Variants in EXOC5 observed in about 807,000 individuals in gnomAD.
EXOC5 encodes the protein SEC10-like 1.
Under a neutral mutation model 90.8 loss-of-function variants are expected in EXOC5, and 17 were observed. That is an observed-to-expected ratio of 0.19 (90% CI 0.13 to 0.28). The LOEUF (loss-of-function observed/expected upper bound fraction) is 0.28, where lower values mean the gene tolerates loss of function less well. Among genes scored for constraint, EXOC5 ranks in the 10% least tolerant of loss-of-function variants. EXOC5 has a pLI of 1.00. For missense variants in EXOC5, 569 were observed against 830.6 expected (o/e 0.69, Z 3.87); for synonymous variants, 260 against 270.0 (o/e 0.96, Z 0.36).
intron 1 of EXOC5, among the ~76,000 whole-genome samples, chr14:57,251,393 C>A (rs562138245): frequency 1.3e-5 from 2 of 152,274 alleles, no homozygotes; most frequent in South Asian, 2.1e-4. Context: ...CCCATTTTTG[C>A]AAGCTCCTCT....
At chr14:57,248,592 T>A (rs1884094274) in intron 1 of EXOC5, among the ~76,000 whole-genome samples, 1 of 152,036 alleles carries the variant, frequency 6.6e-6, no homozygotes, top group African/African-American at 2.4e-5. Flanking sequence ...ATGTTCACCA[T>A]CAACAGATAA....
intron 1 of EXOC5, among the ~76,000 whole-genome samples, chr14:57,250,176 G>A (rs1177837350): frequency 1.3e-5 from 2 of 152,140 alleles, no homozygotes; most frequent in African/African-American, 4.8e-5. Flanking sequence ...ATCTGCGGGA[G>A]GTAGACTCTA....
chr14:57,217,886 A>T, intron 15 of EXOC5, 96 bp downstream of exon 15: 1 of 693,166 alleles, frequency 1.4e-6, no homozygotes, highest in Non-Finnish European at 2.6e-6. Flanking sequence ...TGGAATTAAG[A>T]TAAATATTTT....
chr14:57,217,532 T>C (rs79191875), intron 15 of EXOC5, among the ~76,000 whole-genome samples: 32,073 of 152,048 alleles, frequency 0.21, 4,616 homozygotes, highest in African/African-American at 0.42. Context: ...CATACCCATA[T>C]AAGACAGTGA....
In EXOC5 at chr14:57,203,053, A is replaced by G. The variant is rs960161588; in HGVS notation, c.*5556T>C. Reference sequence around the variant, plus strand: ...ACAATATGCTTAGAGGTAGCTTCACAGTTTTCTTTACATCCAGCATTGTCC... The same window carrying G: ...ACAATATGCTTAGAGGTAGCTTCACGGTTTTCTTTACATCCAGCATTGTCC... On this transcript the variant is annotated 3_prime_UTR_variant, in exon 18 of 18. Transcript: ENST00000621441. 42 of 152,300 alleles carry G rather than the reference A, an allele frequency of 2.8e-4. 1 individual carries two copies. The highest frequency in any genetic ancestry group is 9.6e-4 in the African/African-American group (40 of 41,560). 9.4% of individuals were successfully genotyped at this position (152,300 alleles called of 1,614,324 possible). A position where few individuals can be genotyped will look rare whatever the true frequency, so the allele number is the denominator to read the frequency against.
chr14:57,241,147 C>G (rs1379806699), intron 4 of EXOC5, among the ~76,000 whole-genome samples: 3 of 152,188 alleles, frequency 2.0e-5, no homozygotes, highest in Non-Finnish European at 1.5e-5. Flanking sequence ...AGACACCACG[C>G]CCTGCCCAAT....
At chr14:57,209,804 CA>C in intron 16 of EXOC5, 22 bp from the exon 17 acceptor site, 1 of 1,511,184 alleles carries the variant, frequency 6.6e-7, no homozygotes, top group Non-Finnish European at 9.1e-7. Context: ...TTTCTACACT[CA>C]TTACACAGGA....
rs1411672908 is a variant in EXOC5, at chr14:57,205,398, T to G, written c.*3211A>C. 6.4e-6 allele frequency: 1 copy of G among 156,534 alleles called. No homozygotes were observed. Among genetic ancestry groups the G allele is most frequent in the Non-Finnish European group, 1.4e-5 (1 of 71,250 alleles). The allele number at this position is 156,534 out of a possible 1,614,324, so 9.7% of individuals were successfully genotyped here. A position where few individuals can be genotyped will look rare whatever the true frequency, so the allele number is the denominator to read the frequency against. On this transcript the variant is annotated 3_prime_UTR_variant, in exon 18 of 18. Transcript: ENST00000621441. The stretch of plus-strand genomic sequence containing the variant: ...GTAAAATTCAACAATATATGGGTAA[T>G]GTGCAGAATATTTTTGCGTTAAAAA...
chr14:57,258,662 G>A (rs573232571), intron 1 of EXOC5, among the ~76,000 whole-genome samples: 17 of 152,286 alleles, frequency 1.1e-4, no homozygotes, highest in Admixed American at 5.9e-4. Flanking sequence ...AAACCTGTAC[G>A]TTATGCACAT....
At chr14:57,256,145 A>C (rs535133732) in intron 1 of EXOC5, among the ~76,000 whole-genome samples, 1 of 152,242 alleles carries the variant, frequency 6.6e-6, no homozygotes, top group South Asian at 2.1e-4. Flanking sequence ...TATCTAGGGA[A>C]TAAGAAGAGG....
chr14:57,213,727 G>C (rs373874367), intron 15 of EXOC5, among the ~76,000 whole-genome samples: 1 of 152,044 alleles, frequency 6.6e-6, no homozygotes, highest in South Asian at 2.1e-4. Flanking sequence ...CCAGCACTTT[G>C]GGAGGCTGAG....
At chr14:57,225,438 T>G (rs2139626935) in intron 12 of EXOC5, among the ~76,000 whole-genome samples, 1 of 152,336 alleles carries the variant, frequency 6.6e-6, no homozygotes, top group East Asian at 1.9e-4. Context: ...GTGTTCACTC[T>G]CATCACTTCT....
chr14:57,216,215 A>G (rs1882967654), intron 15 of EXOC5, among the ~76,000 whole-genome samples: 2 of 152,058 alleles, frequency 1.3e-5, no homozygotes, highest in Non-Finnish European at 2.9e-5. Context: ...TAACCTGTCC[A>G]TACTACTCAA....
intron 3 of EXOC5, among the ~76,000 whole-genome samples, chr14:57,246,329 T>C (rs988241132): frequency 2.6e-5 from 4 of 152,244 alleles, no homozygotes; most frequent in African/African-American, 9.6e-5. Flanking sequence ...GCTGCTTTCA[T>C]ATTACTTTGT....
At chr14:57,223,254 T>C (rs1883208917) in intron 12 of EXOC5, among the ~76,000 whole-genome samples, 1 of 152,096 alleles carries the variant, frequency 6.6e-6, no homozygotes, top group African/African-American at 2.4e-5. Context: ...GCTGGGAAAA[T>C]AAAATCCTTT....
chr14:57,216,430 A>G (rs1247464210), intron 15 of EXOC5, among the ~76,000 whole-genome samples: 1 of 152,186 alleles, frequency 6.6e-6, no homozygotes, highest in Non-Finnish European at 1.5e-5. Flanking sequence ...TGGTACTGGC[A>G]TAAAAACAGA....
intron 7 of EXOC5, 120 bp from the exon 8 acceptor site, chr14:57,234,152 C>A: frequency 1.5e-6 from 1 of 671,524 alleles, no homozygotes; most frequent in Non-Finnish European, 2.5e-6. Context: ...CCAATAGCAA[C>A]ACCTGTTGGA....
At chr14:57,210,471 A>G (rs1882795836) in intron 15 of EXOC5, among the ~76,000 whole-genome samples, 1 of 149,970 alleles carries the variant, frequency 6.7e-6, no homozygotes, top group South Asian at 2.1e-4. Flanking sequence ...TACATACATA[A>G]TAAGATATCT....
intron 12 of EXOC5, among the ~76,000 whole-genome samples, chr14:57,227,078 T>C (rs1883329871): frequency 6.6e-6 from 1 of 152,138 alleles, no homozygotes; most frequent in Non-Finnish European, 1.5e-5. Flanking sequence ...TGATAAATTG[T>C]AACAATATAG....
Sources: gnomAD v4.1 joint callset for allele counts (sites outside exome capture counted in the v4.1 genomes callset) on GRCh38, gnomAD v4.1.1 for gene constraint, MANE v1.5 for transcripts, NCBI Gene and HGNC (gene_info 2026-07-23, HGNC 2026-07-21) for gene names.